The following EXOC6B variants were observed in gnomAD, a reference collection of about 807,000 sequenced individuals.
EXOC6B encodes the protein SEC15 homolog B.
A neutral mutation model predicts 113.5 loss-of-function variants in EXOC6B; 54 were observed. The ratio of observed to expected loss-of-function variants is 0.48; its 90% CI spans 0.38 to 0.60. The LOEUF is 0.60. Among genes scored for constraint, EXOC6B ranks in the 20% least tolerant of loss-of-function variants. The pLI, the probability that EXOC6B is intolerant of heterozygous loss-of-function variation, is 0.00. For missense variants in EXOC6B, 797 were observed against 977.5 expected (o/e 0.82, Z 2.46); for synonymous variants, 357 against 339.0 (o/e 1.05, Z -0.58).
chr2:72,377,918 T>A (rs951210275), intron 19 of EXOC6B, among the ~76,000 whole-genome samples: 1 of 151,532 alleles, frequency 6.6e-6, no homozygotes, highest in African/African-American at 2.4e-5. Flanking sequence ...TCCAGAAGTA[T>A]ACATATTTCA....
At position 72,222,491 on chromosome 2, in the gene EXOC6B, G is replaced by A. The variant is rs73942569; in HGVS notation, c.2197-38304C>T. 8.5e-3 allele frequency among the ~76,000 whole-genome samples: 1,291 copies of A among 152,264 alleles called. 21 individuals carry two copies. Among genetic ancestry groups the A allele is most frequent in the African/African-American group, 0.029 (1,191 of 41,550 alleles). ...AAATACAAAAACCTTGTATATTTGAGTGTCACTGTATCTAGTTATTGATAA... is the reference window on the plus strand; with the variant it reads ...AAATACAAAAACCTTGTATATTTGAATGTCACTGTATCTAGTTATTGATAA... On this transcript the variant is annotated intron_variant, in intron 20 of 21. Transcript: ENST00000272427.
intron 1 of EXOC6B, among the ~76,000 whole-genome samples, chr2:72,750,210 C>T (rs549795652): frequency 7.9e-5 from 12 of 151,914 alleles, no homozygotes; most frequent in African/African-American, 9.7e-5. Context: ...CAATTTAAAA[C>T]TCTTTAACTC....
intron 19 of EXOC6B, among the ~76,000 whole-genome samples, chr2:72,360,707 C>T (rs914615387): frequency 6.6e-6 from 1 of 152,082 alleles, no homozygotes; most frequent in African/African-American, 2.4e-5. Flanking sequence ...CAGTAATCCC[C>T]TTCCTTCTGC....
chr2:72,559,354 T>C (rs1266341037), intron 8 of EXOC6B, 99 bp downstream of exon 8: 2 of 762,554 alleles, frequency 2.6e-6, no homozygotes, highest in Admixed American at 3.8e-5. Flanking sequence ...TTCTCATTTT[T>C]CACTCTTAAT....
rs564647256 is a variant in EXOC6B, at chr2:72,690,771, A to G, written c.669+27332T>C. ...CCACATGGCACAACAATACAGAGAA[A>G]GATGCTGGACATGTCAGGTACTCAG... On this transcript the variant is annotated intron_variant, in intron 6 of 21. Coordinates refer to ENST00000272427, the MANE Select transcript of EXOC6B (RefSeq NM_015189.3). Among the ~76,000 whole-genome samples the G allele has an allele frequency of 4.6e-5, 7 of 152,308 alleles. No homozygotes were observed. In the South Asian group the frequency reaches 1.5e-3, roughly 32 times the overall value.
rs546064165 is a variant in EXOC6B at position 72,715,789 on chromosome 2, T to C, written c.669+2314A>G. Reference sequence around the variant, plus strand: ...CACCAGTGCAGATAACTTGCAATTTTAGTTGAGTAGTTACCAGCTCATGAG... The same window carrying C: ...CACCAGTGCAGATAACTTGCAATTTCAGTTGAGTAGTTACCAGCTCATGAG... On this transcript the variant is annotated intron_variant, in intron 6 of 21. Transcript: ENST00000272427. Among the ~76,000 whole-genome samples the C allele has an allele frequency of 2.8e-3, 421 of 152,278 alleles. 1 individual carries two copies. The highest frequency in any genetic ancestry group is 9.7e-3 in the African/African-American group (401 of 41,554).
intron 1 of EXOC6B, among the ~76,000 whole-genome samples, chr2:72,808,301 T>C (rs1685690616): frequency 6.6e-6 from 1 of 152,182 alleles, no homozygotes; most frequent in South Asian, 2.1e-4. Flanking sequence ...GTGTAGGAAA[T>C]ATTTAACACA....
intron 20 of EXOC6B, among the ~76,000 whole-genome samples, chr2:72,264,862 C>A (rs1172463188): frequency 6.6e-6 from 1 of 152,080 alleles, no homozygotes; most frequent in Non-Finnish European, 1.5e-5. Context: ...CTGAGGCCTC[C>A]TCAGCCATGC....
intron 5 of EXOC6B, 71 bp from the exon 6 acceptor site, chr2:72,718,378 T>G: frequency 3.7e-6 from 5 of 1,351,968 alleles, no homozygotes; most frequent in Non-Finnish European, 5.2e-6. Flanking sequence ...CTAGCCTGAA[T>G]TGGTTTTCAC....
intron 18 of EXOC6B, among the ~76,000 whole-genome samples, chr2:72,436,451 C>T (rs1695876630): frequency 6.6e-6 from 1 of 152,160 alleles, no homozygotes; most frequent in African/African-American, 2.4e-5. Flanking sequence ...GCCTGTCTTG[C>T]TAGGTTGGGG....
chr2:72,705,614 C>T (rs1443561390), intron 6 of EXOC6B, among the ~76,000 whole-genome samples: 1 of 152,066 alleles, frequency 6.6e-6, no homozygotes, highest in African/African-American at 2.4e-5. Flanking sequence ...TACACACACA[C>T]GTGCAAGTAA....
At chr2:72,288,423 A>G (rs987602627) in intron 20 of EXOC6B, among the ~76,000 whole-genome samples, 4 of 152,114 alleles carry the variant, frequency 2.6e-5, no homozygotes, top group Non-Finnish European at 5.9e-5. Flanking sequence ...GACAACAAAA[A>G]AACTCAATCT....
chr2:72,811,577 C>T (rs1685926328), intron 1 of EXOC6B, among the ~76,000 whole-genome samples: 1 of 152,112 alleles, frequency 6.6e-6, no homozygotes. Context: ...TAAGAAGTTA[C>T]TATTACTCTA....
intron 7 of EXOC6B, among the ~76,000 whole-genome samples, chr2:72,573,018 G>A (rs1041418371): frequency 3.3e-5 from 5 of 152,042 alleles, no homozygotes; most frequent in African/African-American, 1.2e-4. Context: ...CTACTTTTAT[G>A]AGAAACCTCC....
At chr2:72,760,711 C>T (rs1236163618) in intron 1 of EXOC6B, 1 of 152,036 alleles carries the variant, frequency 6.6e-6, no homozygotes, top group East Asian at 1.9e-4. Flanking sequence ...AAACTCAAAC[C>T]ATAAAAGTTG....
At chr2:72,472,725 T>A (rs1369783185) in intron 17 of EXOC6B, among the ~76,000 whole-genome samples, 1 of 152,120 alleles carries the variant, frequency 6.6e-6, no homozygotes, top group African/African-American at 2.4e-5. Context: ...TCTGATATTG[T>A]GGATTTGGTT....
intron 6 of EXOC6B, among the ~76,000 whole-genome samples, chr2:72,673,264 T>A (rs899850338): frequency 6.6e-5 from 10 of 152,214 alleles, no homozygotes; most frequent in African/African-American, 2.2e-4. Flanking sequence ...TAAAATATAC[T>A]AATGCCCAGG....
chr2:72,551,389 G>C (rs1232883952), intron 8 of EXOC6B, among the ~76,000 whole-genome samples: 2 of 151,988 alleles, frequency 1.3e-5, no homozygotes, highest in East Asian at 3.9e-4. Flanking sequence ...GTAGAGACAG[G>C]GTTTCACCAT....
chr2:72,399,923 A>G (rs1379587289), intron 18 of EXOC6B, among the ~76,000 whole-genome samples: 1 of 152,186 alleles, frequency 6.6e-6, no homozygotes, highest in Non-Finnish European at 1.5e-5. Flanking sequence ...ACAGTAATAG[A>G]AAAACCAATC....
Sources: allele counts gnomAD v4.1 joint callset (sites outside exome capture counted in the v4.1 genomes callset), GRCh38; gene constraint gnomAD v4.1.1; transcripts MANE v1.5; gene names NCBI Gene and HGNC (gene_info 2026-07-23, HGNC 2026-07-21).